RETREG1: variants seen among roughly 807,000 people sequenced by gnomAD.
RETREG1 encodes family with sequence similarity 134 member B.
A neutral mutation model predicts 54.8 loss-of-function variants in RETREG1; 44 were observed. The observed-to-expected ratio is 0.80, with a 90% CI of 0.63 to 1.03. The LOEUF (loss-of-function observed/expected upper bound fraction) is 1.03. RETREG1 is among the 50% of genes least tolerant of loss of function. RETREG1 has a pLI of 0.00. For missense variants in RETREG1, 554 were observed against 605.1 expected (o/e 0.92, Z 0.89); for synonymous variants, 217 against 238.5 (o/e 0.91, Z 0.83).
At chr5:16,591,366 A>C (rs1252693580) in intron 1 of RETREG1, among the ~76,000 whole-genome samples, 1 of 152,234 alleles carries the variant, frequency 6.6e-6, no homozygotes, top group African/African-American at 2.4e-5. Context: ...CAAATGCCAC[A>C]GGTAACCACC....
intron 3 of RETREG1, among the ~76,000 whole-genome samples, chr5:16,548,920 C>T (rs1741459418): frequency 6.6e-6 from 1 of 152,168 alleles, no homozygotes; most frequent in Non-Finnish European, 1.5e-5. Flanking sequence ...CCTGAGCAGA[C>T]TAAAATCAAG....
At chr5:16,560,627 G>A (rs1041635505) in intron 3 of RETREG1, among the ~76,000 whole-genome samples, 2 of 152,180 alleles carry the variant, frequency 1.3e-5, no homozygotes, top group African/African-American at 4.8e-5. Flanking sequence ...GCCATGTGAG[G>A]GGGAGGTTTC....
At chr5:16,559,498 A>G (rs754871766) in intron 3 of RETREG1, among the ~76,000 whole-genome samples, 2 of 152,214 alleles carry the variant, frequency 1.3e-5, no homozygotes, top group African/African-American at 4.8e-5. Context: ...TGGAATATCT[A>G]TCAGAAAATC....
At chr5:16,562,148 T>C (rs1741871108) in intron 3 of RETREG1, among the ~76,000 whole-genome samples, 1 of 152,064 alleles carries the variant, frequency 6.6e-6, no homozygotes, top group African/African-American at 2.4e-5. Flanking sequence ...AAACCCCATC[T>C]CTAGTAAAAA....
intron 3 of RETREG1, among the ~76,000 whole-genome samples, chr5:16,543,853 G>A (rs1242484957): frequency 6.6e-6 from 1 of 151,768 alleles, no homozygotes; most frequent in East Asian, 1.9e-4. Context: ...TCTCATTGTG[G>A]TTATAATTCG....
At chr5:16,518,312 G>A (rs1740425806) in intron 3 of RETREG1, among the ~76,000 whole-genome samples, 1 of 149,024 alleles carries the variant, frequency 6.7e-6, no homozygotes, top group Non-Finnish European at 1.5e-5. Context: ...AACATATCTG[G>A]AAAGATATGT....
intron 3 of RETREG1, among the ~76,000 whole-genome samples, chr5:16,563,925 GTCA>G (rs1381504931): frequency 6.6e-6 from 1 of 152,086 alleles, no homozygotes; most frequent in Non-Finnish European, 1.5e-5. Flanking sequence ...TAGAAATTAT[GTCA>G]TCATATCCAT....
intron 1 of RETREG1, among the ~76,000 whole-genome samples, chr5:16,586,250 G>C (rs1742623504): frequency 6.6e-6 from 1 of 152,152 alleles, no homozygotes; most frequent in South Asian, 2.1e-4. Context: ...AAATCTTTGT[G>C]TCTTTTATCT....
At chr5:16,575,290 C>T (rs147939702) in intron 1 of RETREG1, among the ~76,000 whole-genome samples, 1 of 152,214 alleles carries the variant, frequency 6.6e-6, no homozygotes, top group Non-Finnish European at 1.5e-5. Flanking sequence ...CTGTAATGCG[C>T]AGCTCGGCTC....
At chr5:16,601,596 A>G (rs1001957687) in intron 1 of RETREG1, among the ~76,000 whole-genome samples, 1 of 152,016 alleles carries the variant, frequency 6.6e-6, no homozygotes, top group Non-Finnish European at 1.5e-5. Context: ...GGGTTTCACC[A>G]TGTTGGCCAG....
chr5:16,521,462 G>T (rs1289006436), intron 3 of RETREG1, among the ~76,000 whole-genome samples: 5 of 152,180 alleles, frequency 3.3e-5, no homozygotes, highest in Admixed American at 6.5e-5. Flanking sequence ...CAGGGGCAAA[G>T]TTCCTTGACA....
intron 8 of RETREG1, 95 bp from the exon 9 acceptor site, chr5:16,475,329 C>G (rs1738491723): frequency 7.0e-7 from 1 of 1,436,218 alleles, no homozygotes; most frequent in African/African-American, 1.4e-5. Context: ...TCTGAACCCT[C>G]TGGCAACCTT....
At chr5:16,490,073 T>C (rs1739186435) in intron 3 of RETREG1, among the ~76,000 whole-genome samples, 1 of 152,150 alleles carries the variant, frequency 6.6e-6, no homozygotes, top group African/African-American at 2.4e-5. Context: ...ATAGGAAACC[T>C]GGAGTAGATG....
intron 3 of RETREG1, among the ~76,000 whole-genome samples, chr5:16,544,477 T>C (rs569398851): frequency 7.2e-5 from 11 of 152,322 alleles, no homozygotes; most frequent in African/African-American, 2.6e-4. Context: ...TAATATTGTA[T>C]CTAAGAAATC....
chr5:16,616,463 A>C, intron 1 of RETREG1, 189 bp downstream of exon 1: 2 of 1,048,892 alleles, frequency 1.9e-6, no homozygotes, highest in Non-Finnish European at 2.6e-6. Flanking sequence ...GCTCACAGGG[A>C]CGTGCGTCCG....
intron 3 of RETREG1, among the ~76,000 whole-genome samples, chr5:16,527,056 A>G (rs1439413640): frequency 6.6e-6 from 1 of 152,224 alleles, no homozygotes; most frequent in Non-Finnish European, 1.5e-5. Context: ...TTGCGCCTGC[A>G]TCACAGCTCA....
intron 3 of RETREG1, among the ~76,000 whole-genome samples, chr5:16,553,756 TTTA>T (rs1445712799): frequency 1.3e-5 from 2 of 152,078 alleles, no homozygotes; most frequent in African/African-American, 2.4e-5. Flanking sequence ...GTATATTCAT[TTTA>T]TTATGTTTTA....
At chr5:16,506,475 TTG>T (rs1008514189) in intron 3 of RETREG1, among the ~76,000 whole-genome samples, 3 of 105,222 alleles carry the variant, frequency 2.9e-5, no homozygotes, top group Non-Finnish European at 2.1e-5. Flanking sequence ...TTTTGTTTTT[TTG>T]TTTTTTTTTT....
At chr5:16,573,749 T>G (rs6864540) in intron 1 of RETREG1, among the ~76,000 whole-genome samples, 1,504 of 145,756 alleles carry the variant, frequency 0.01, 34 homozygotes, top group African/African-American at 0.034. Flanking sequence ...TTTGTTTTTT[T>G]TTTTTTTTTT....
Sources: gnomAD v4.1 joint callset for allele counts (sites outside exome capture counted in the v4.1 genomes callset) on GRCh38, gnomAD v4.1.1 for gene constraint, MANE v1.5 for transcripts, NCBI Gene and HGNC (gene_info 2026-07-23, HGNC 2026-07-21) for gene names.